The following MAP7 variants were observed in gnomAD, a reference collection of about 807,000 sequenced individuals.
MAP7 encodes the protein microtubule associated protein 7.
MAP7 carries 52 observed loss-of-function variants against 94.8 expected under a neutral mutation model. The observed-to-expected ratio is 0.55, with a 90% CI of 0.44 to 0.69. The LOEUF is 0.69. Ranked by LOEUF, MAP7 falls within the 30% of genes least tolerant of loss-of-function variation. The pLI, the probability that MAP7 is intolerant of heterozygous loss-of-function variation, is 0.00. For synonymous variants in MAP7, 350 were observed against 357.0 expected, an observed-to-expected ratio of 0.98 and a Z score of 0.22; for missense variants, 940 against 964.6, an observed-to-expected ratio of 0.97 and a Z score of 0.34.
chr6:136,487,063 G>C (rs1316183474), intron 1 of MAP7, among the ~76,000 whole-genome samples: 1 of 152,170 alleles, frequency 6.6e-6, no homozygotes, highest in East Asian at 1.9e-4. Context: ...ACCTATGGAA[G>C]GGGCAGGATT....
intron 1 of MAP7, among the ~76,000 whole-genome samples, chr6:136,477,606 G>A (rs1298586803): frequency 6.6e-6 from 1 of 152,184 alleles, no homozygotes; most frequent in Admixed American, 6.5e-5. Context: ...TTCATTAATT[G>A]CAGATATAAC....
At chr6:136,544,949 C>A (rs1030092648) in intron 1 of MAP7, among the ~76,000 whole-genome samples, 1 of 152,296 alleles carries the variant, frequency 6.6e-6, no homozygotes, top group African/African-American at 2.4e-5. Context: ...GGGTAAAGAA[C>A]AAAACAGGTC....
intron 5 of MAP7, among the ~76,000 whole-genome samples, chr6:136,384,644 C>T (rs1778704950): frequency 6.6e-6 from 1 of 152,014 alleles, no homozygotes; most frequent in South Asian, 2.1e-4. Flanking sequence ...TCACTACGCC[C>T]AGCTAATATT....
intron 16 of MAP7, among the ~76,000 whole-genome samples, chr6:136,354,481 T>C (rs543146938): frequency 6.8e-6 from 1 of 147,282 alleles, no homozygotes; most frequent in Non-Finnish European, 1.5e-5. Flanking sequence ...AGTAGATATA[T>C]ATACATATAT....
intron 16 of MAP7, among the ~76,000 whole-genome samples, chr6:136,353,378 C>G (rs1789786337): frequency 6.6e-6 from 1 of 152,112 alleles, no homozygotes; most frequent in Admixed American, 6.5e-5. Context: ...TCATGGCACT[C>G]TGTATTAAAA....
chr6:136,356,897 C>T lies in MAP7; in HGVS notation c.1913-103G>A, dbSNP rs1022497706. ...CTTGATTTATGTGCTGGTTCTGCTACTTAAGTGATGTGAGACCTTGGGCAC... is the reference window on the plus strand; with the variant it reads ...CTTGATTTATGTGCTGGTTCTGCTATTTAAGTGATGTGAGACCTTGGGCAC... On this transcript the variant is annotated intron_variant, in intron 15 of 17. Transcript: ENST00000354570. 6.8e-6 allele frequency: 6 copies of T among 885,532 alleles called. No individual in the cohort carries two copies. The African/African-American group carries it at 9.8e-5, about 15-fold the overall frequency. 54.9% of individuals were successfully genotyped at this position (885,532 alleles called of 1,614,324 possible).
chr6:136,516,950 C>T (rs746372857), intron 1 of MAP7, among the ~76,000 whole-genome samples: 7 of 146,592 alleles, frequency 4.8e-5, no homozygotes, highest in Non-Finnish European at 8.9e-5. Context: ...GCACACCCCA[C>T]ATCAGAAGGA....
At chr6:136,507,059 G>A (rs188577658) in intron 1 of MAP7, among the ~76,000 whole-genome samples, 2 of 152,080 alleles carry the variant, frequency 1.3e-5, no homozygotes, top group African/African-American at 4.8e-5. Flanking sequence ...GATTCTGGAC[G>A]CTGCCTGATT....
At chr6:136,520,242 G>A (rs963520994) in intron 1 of MAP7, among the ~76,000 whole-genome samples, 2 of 150,040 alleles carry the variant, frequency 1.3e-5, no homozygotes, top group African/African-American at 4.9e-5. Flanking sequence ...AGGAGGAGAA[G>A]AAGACAACAA....
chr6:136,389,467 A>G lies in MAP7; in HGVS notation c.295T>C (p.Tyr99His). 2 of 1,610,426 alleles carry G rather than the reference A, an allele frequency of 1.2e-6. No homozygotes were observed. Among genetic ancestry groups the G allele is most frequent in the Non-Finnish European group, 8.5e-7 (1 of 1,178,946 alleles). The change falls in exon 4 of 18, where the codon TAC (tyrosine) becomes CAC (histidine). Residue 99 changes from tyrosine (Y) to histidine (H), a missense_variant. Transcript: ENST00000354570. Reference protein sequence around the residue: ...LEREERARQHYEKHLEERKKR... With the variant: ...LEREERARQHHEKHLEERKKR... ...TTCCGCTCTTCCAGGTGCTTCTCGT[A>G]GTGCTGCCTGGCTCGCTCTTCTCTT...
intron 1 of MAP7, among the ~76,000 whole-genome samples, chr6:136,541,363 G>A (rs560941395): frequency 6.6e-6 from 1 of 152,172 alleles, no homozygotes; most frequent in Non-Finnish European, 1.5e-5. Context: ...TTGGGGAAAT[G>A]AGTTTTATAC....
chr6:136,366,458 A>C lies in MAP7; in HGVS notation c.877-19T>G. The C allele has an allele frequency of 2.5e-5, 39 of 1,537,250 alleles. No homozygotes were observed. Among genetic ancestry groups the C allele is most frequent in the Non-Finnish European group, 3.4e-5 (38 of 1,110,532 alleles). ...TATAGCTCTAAGTTCAGAGAAACTCAATAGTTAGATTTTTCCACAAGCGAG... is the reference window on the plus strand; with the variant it reads ...TATAGCTCTAAGTTCAGAGAAACTCCATAGTTAGATTTTTCCACAAGCGAG... On this transcript the variant is annotated intron_variant, in intron 8 of 17. Coordinates refer to ENST00000354570, the MANE Select transcript of MAP7 (RefSeq NM_003980.6).
At chr6:136,396,543 A>C (rs1236276377) in intron 3 of MAP7, among the ~76,000 whole-genome samples, 1 of 152,054 alleles carries the variant, frequency 6.6e-6, no homozygotes, top group Non-Finnish European at 1.5e-5. Flanking sequence ...GATGGTCTTT[A>C]TTTCTTTCTC....
chr6:136,537,873 C>T (rs1189269562), intron 1 of MAP7, among the ~76,000 whole-genome samples: 2 of 151,958 alleles, frequency 1.3e-5, no homozygotes, highest in Non-Finnish European at 2.9e-5. Flanking sequence ...CCGCACCTTC[C>T]TCTTTTCAAG....
chr6:136,456,622 T>C (rs558786584), intron 1 of MAP7, among the ~76,000 whole-genome samples: 2 of 151,440 alleles, frequency 1.3e-5, no homozygotes, highest in African/African-American at 4.9e-5. Context: ...CAGTGGTCCA[T>C]GATTATGCTA....
Position 136,356,737 on chromosome 6 carries a change from C to A in MAP7, c.1970G>T (p.Ser657Ile), listed in dbSNP as rs774028309. The part of the protein sequence containing the change: ...NAPGNGKPVG[S>I]PHVVTSHQSK... ...CTGGTGTGAGGTAACCACATGTGGG[C>A]TGCCAACTGGCTTTCCATTTCCCGG... is the stretch of plus-strand genomic sequence containing the variant. Residue 657 changes from serine to isoleucine, a missense_variant, in exon 16 of 18, where the codon AGC becomes ATC. By Grantham distance (142) the Ser-to-Ile change is moderately radical. Coordinates refer to ENST00000354570, the MANE Select transcript of MAP7 (RefSeq NM_003980.6). The A allele has an allele frequency of 6.2e-7, 1 of 1,614,174 alleles. No homozygotes were observed. The highest frequency in any genetic ancestry group is 8.5e-7 in the Non-Finnish European group (1 of 1,180,030).
chr6:136,400,606 T>C (rs1783801457), intron 3 of MAP7, among the ~76,000 whole-genome samples: 1 of 151,848 alleles, frequency 6.6e-6, no homozygotes, highest in Non-Finnish European at 1.5e-5. Flanking sequence ...ATCAGGCAAA[T>C]GAAAACAAAA....
intron 1 of MAP7, among the ~76,000 whole-genome samples, chr6:136,468,827 A>G (rs1807989488): frequency 6.6e-6 from 1 of 152,128 alleles, no homozygotes. Flanking sequence ...CCCTCTAAGT[A>G]AGGAGGTGAC....
chr6:136,511,500 A>AT (rs1183346309), intron 1 of MAP7, among the ~76,000 whole-genome samples: 1 of 137,558 alleles, frequency 7.3e-6, no homozygotes, highest in Non-Finnish European at 1.5e-5. Flanking sequence ...TTAAAAAAAA[A>AT]GGCAGTGCAG....
Sources: allele counts gnomAD v4.1 joint callset (sites outside exome capture counted in the v4.1 genomes callset), GRCh38; gene constraint gnomAD v4.1.1; transcripts MANE v1.5; gene names NCBI Gene and HGNC (gene_info 2026-07-23, HGNC 2026-07-21).